The following SPATC1L variants were observed in gnomAD, a reference collection of about 807,000 sequenced individuals.
SPATC1L encodes the protein spermatogenesis and centriole associated 1 like.
A neutral mutation model predicts 21.2 loss-of-function variants in SPATC1L; 20 were observed. The ratio of observed to expected loss-of-function variants is 0.94; its 90% CI spans 0.66 to 1.37. SPATC1L has a LOEUF of 1.37. SPATC1L is among the 40% of genes most tolerant of loss of function. The probability of loss-of-function intolerance (pLI) is 0.00; values close to 1 mark genes in which losing one functional copy is unlikely to be tolerated. For missense variants in SPATC1L, 499 were observed against 478.7 expected (o/e 1.04, Z -0.40); for synonymous variants, 290 against 234.5 (o/e 1.24, Z -2.16).
At chr21:46,169,937 C>T (rs60835089) in intron 2 of SPATC1L, among the ~76,000 whole-genome samples, 320 of 536 alleles carry the variant, frequency 0.6, 75 homozygotes, top group South Asian at 0.75. Flanking sequence ...GGGAGGAGCC[C>T]CCTGCTCTGT....
chr21:46,171,257 T>C (rs1443748518), intron 2 of SPATC1L, among the ~76,000 whole-genome samples: 1 of 152,238 alleles, frequency 6.6e-6, no homozygotes. Context: ...TGAAATTCTA[T>C]TCTACCTCCA....
rs1203886444 is a variant in SPATC1L, at chr21:46,161,214, G to C, written c.*165C>G. 1.8e-6 allele frequency: 1 copy of C among 545,802 alleles called. No homozygotes were observed. Among genetic ancestry groups the C allele is most frequent in the Non-Finnish European group, 3.0e-6 (1 of 336,250 alleles). 33.8% of individuals were successfully genotyped at this position (545,802 alleles called of 1,614,324 possible). A position where few individuals can be genotyped will look rare whatever the true frequency, so the allele number is the denominator to read the frequency against. ...GAAGCACTCCGCAGGTGCGGGCAGC[G>C]GCGGGCTGCGGTCGGGGCCCAGCAC... On this transcript the variant is annotated 3_prime_UTR_variant, in exon 5 of 5. Coordinates refer to ENST00000291672, the MANE Select transcript of SPATC1L (RefSeq NM_001142854.2).
In SPATC1L at chr21:46,161,751, G is replaced by A. The variant is rs902328133; in HGVS notation, c.697-46C>T. 4 of 1,507,854 alleles carry A rather than the reference G, an allele frequency of 2.7e-6. 1 individual carries two copies. The highest frequency in any genetic ancestry group is 2.5e-5 in the South Asian group (2 of 80,108). 93.4% of individuals were successfully genotyped at this position (1,507,854 alleles called of 1,614,324 possible). A position where few individuals can be genotyped will look rare whatever the true frequency, so the allele number is the denominator to read the frequency against. ...TGGGGGTGGGGGGCTCGGGGCCCTC[G>A]GACGGGGACTTCCAGGCCCAGGGCC... On this transcript the variant is annotated intron_variant, in intron 4 of 4. Transcript: ENST00000291672.
At chr21:46,172,083 GCACA>G (rs2079595316) in intron 2 of SPATC1L, among the ~76,000 whole-genome samples, 1 of 141,038 alleles carries the variant, frequency 7.1e-6, no homozygotes, top group Non-Finnish European at 1.5e-5. Flanking sequence ...GGCGGGGGAT[GCACA>G]GAGCATGAGG....
chr21:46,171,463 C>A (rs1239384333), intron 2 of SPATC1L, among the ~76,000 whole-genome samples: 1 of 150,402 alleles, frequency 6.6e-6, no homozygotes. Context: ...ACAAAGGAAC[C>A]AACTAATCTT....
Position 46,161,550 on chromosome 21 carries a change from G to A in SPATC1L, c.852C>T (p.Ile284=), listed in dbSNP as rs1173719962. ...FSEFLINTYG[I]LKQRPDLRAN... is the part of the protein sequence containing the mutation. ...CGCGCAGGTCGGGCCGCTGCTTCAG[G>A]ATTCCGTAGGTGTTGATGAGGAACT... The change falls in exon 5 of 5, where the codon ATC becomes ATT. Residue 284 remains isoleucine, a synonymous_variant. Transcript: ENST00000291672. 1.9e-6 allele frequency: 3 copies of A among 1,610,774 alleles called. No homozygotes were observed.
intron 3 of SPATC1L, among the ~76,000 whole-genome samples, chr21:46,167,704 T>TG (rs2079550995): frequency 6.6e-6 from 1 of 152,166 alleles, no homozygotes; most frequent in South Asian, 2.1e-4. Context: ...GGCATACACC[T>TG]GTAGTCCCAG....
chr21:46,174,795 A>G (rs1041024568), intron 2 of SPATC1L, among the ~76,000 whole-genome samples: 1 of 152,228 alleles, frequency 6.6e-6, no homozygotes, highest in East Asian at 1.9e-4. Flanking sequence ...TGAACTCAGC[A>G]CCGGATCAAA....
intron 3 of SPATC1L, among the ~76,000 whole-genome samples, chr21:46,162,575 G>A (rs1054574984): frequency 2.3e-4 from 32 of 142,150 alleles, no homozygotes; most frequent in African/African-American, 8.0e-4. Flanking sequence ...GAAAAGGACC[G>A]CTGGGTTGGC....
At chr21:46,174,065 T>C (rs1266791538) in intron 2 of SPATC1L, among the ~76,000 whole-genome samples, 1 of 152,166 alleles carries the variant, frequency 6.6e-6, no homozygotes, top group African/African-American at 2.4e-5. Flanking sequence ...TGGTGGCTCA[T>C]GTCTGTAATC....
chr21:46,167,138 C>T lies in SPATC1L; in HGVS notation c.544+1170G>A, dbSNP rs190790088. Among the ~76,000 whole-genome samples the T allele has an allele frequency of 7.2e-5, 11 of 152,258 alleles. No homozygotes were observed. In the East Asian group the frequency reaches 2.1e-3, roughly 29 times the overall value. On this transcript the variant is annotated intron_variant, in intron 3 of 4. Coordinates refer to ENST00000291672, the MANE Select transcript of SPATC1L (RefSeq NM_001142854.2). ...AAAGGAATTTTGGAAATTATACCAA[C>T]ACATAGAAATTAAACAATACGCTCC...
intron 3 of SPATC1L, among the ~76,000 whole-genome samples, chr21:46,164,594 C>T (rs1203625611): frequency 6.6e-6 from 1 of 151,862 alleles, no homozygotes; most frequent in Non-Finnish European, 1.5e-5. Flanking sequence ...GAGTTCGAGA[C>T]CAGCTTGGCA....
intron 2 of SPATC1L, among the ~76,000 whole-genome samples, chr21:46,169,627 C>A: frequency 1.2e-5 from 1 of 80,712 alleles, no homozygotes; most frequent in South Asian, 3.9e-4. Flanking sequence ...TGGGGAGGAG[C>A]CCCTGCTCTG....
chr21:46,166,373 A>C (rs762989224), intron 3 of SPATC1L, among the ~76,000 whole-genome samples: 94 of 152,152 alleles, frequency 6.2e-4, no homozygotes, highest in Non-Finnish European at 8.7e-4. Flanking sequence ...CTCCAAAAAA[A>C]AAAATTACAG....
At position 46,162,064 on chromosome 21, in the gene SPATC1L, A is replaced by C. The variant is rs1196098258; in HGVS notation, c.548T>G (p.Ile183Ser). ...CTTCTCGGCGCCCGCGAAGCTCTGG[A>C]TCTCTGGGGGAGGGAAGGCCGGGGA... Reference protein sequence around the residue: ...RTRRSYYLNEIQSFAGAEKDA... With the variant: ...RTRRSYYLNESQSFAGAEKDA... The change falls in exon 4 of 5, where the codon ATC (isoleucine) becomes AGC (serine). Residue 183 changes from isoleucine (I) to serine (S), a missense_variant. By Grantham distance (142) the Ile-to-Ser change is moderately radical (BLOSUM62 -2). Coordinates refer to ENST00000291672, the MANE Select transcript of SPATC1L (RefSeq NM_001142854.2). 1 of 1,573,206 alleles carries C rather than the reference A, an allele frequency of 6.4e-7. No homozygotes were observed. The highest frequency in any genetic ancestry group is 8.6e-7 in the Non-Finnish European group (1 of 1,162,132).
At chr21:46,166,166 G>A (rs1259673970) in intron 3 of SPATC1L, among the ~76,000 whole-genome samples, 1 of 152,172 alleles carries the variant, frequency 6.6e-6, no homozygotes, top group East Asian at 1.9e-4. Flanking sequence ...AGGAGTTTGA[G>A]ACCAGCCTGG....
chr21:46,181,780 G>C lies in SPATC1L; in HGVS notation c.193+844C>G, dbSNP rs1270489032. Among the ~76,000 whole-genome samples, 5 of 152,296 alleles carry C rather than the reference G, an allele frequency of 3.3e-5. No homozygotes were observed. In the East Asian group the frequency reaches 7.8e-4, roughly 24 times the overall value. ...GGCTGACCACGTCCTTTCCGGGCCC[G>C]GCCCGGTGGGAAGCTGAGGTTGGCC... is the stretch of plus-strand genomic sequence containing the variant. On this transcript the variant is annotated intron_variant, in intron 2 of 4. Transcript: ENST00000291672.
In SPATC1L at chr21:46,168,300, G is replaced by A. The variant is rs569046224; in HGVS notation, c.544+8C>T. 6.0e-5 allele frequency: 94 copies of A among 1,557,238 alleles called. No individual in the cohort carries two copies. Among genetic ancestry groups the A allele is most frequent in the African/African-American group, 1.1e-4 (8 of 73,738 alleles). On this transcript the variant is annotated splice_region_variant and intron_variant, in intron 3 of 4. Transcript: ENST00000291672. Reference sequence around the variant, plus strand: ...GGCCCCCCCAGGTGCCCCCGCACCCGGCCATACCATTGAGGTAGTAGCTCC... The same window carrying A: ...GGCCCCCCCAGGTGCCCCCGCACCCAGCCATACCATTGAGGTAGTAGCTCC...
chr21:46,182,633 C>A lies in SPATC1L; in HGVS notation c.184G>T (p.Gly62Trp). The A allele has an allele frequency of 3.3e-6, 5 of 1,513,618 alleles. No individual in the cohort carries two copies. In the Admixed American group the frequency reaches 1.0e-4, roughly 31 times the overall value. 93.8% of individuals were successfully genotyped at this position (1,513,618 alleles called of 1,614,324 possible). A position where few individuals can be genotyped will look rare whatever the true frequency, so the allele number is the denominator to read the frequency against. ...CTGGGCGGCGCCTCACCTCCGCTCC[C>A]GGGGGAGCCGGCCTCAGGGTAGGCA... ...AHAYPEAGSPGSGVPDFGRFT... is the reference protein window; with the variant it reads ...AHAYPEAGSPWSGVPDFGRFT... Residue 62 changes from glycine (G) to tryptophan (W), a missense_variant, in exon 2 of 5, where the codon GGG (glycine) becomes TGG (tryptophan). Coordinates refer to ENST00000291672, the MANE Select transcript of SPATC1L (RefSeq NM_001142854.2).
Sources: gnomAD v4.1 joint callset for allele counts (sites outside exome capture counted in the v4.1 genomes callset) on GRCh38, gnomAD v4.1.1 for gene constraint, MANE v1.5 for transcripts, NCBI Gene and HGNC (gene_info 2026-07-23, HGNC 2026-07-21) for gene names.